The following ARHGAP35 variants were observed in gnomAD, a reference collection of about 807,000 sequenced individuals.
The protein encoded by ARHGAP35 is Rho GTPase activating protein 35, also known as rho GTPase-activating protein 35.
Under a neutral mutation model 111.1 loss-of-function variants are expected in ARHGAP35, and 15 were observed. That is an observed-to-expected ratio of 0.13 (90% CI 0.09 to 0.21). ARHGAP35 has a LOEUF of 0.21. Among genes scored for constraint, ARHGAP35 ranks in the 10% least tolerant of loss-of-function variants. The pLI is 1.00. For missense variants in ARHGAP35, 1,262 were observed against 1,873.0 expected (o/e 0.67, Z 6.02); for synonymous variants, 643 against 710.3 (o/e 0.91, Z 1.51).
At chr19:46,929,165 A>G (rs1476868616) in intron 2 of ARHGAP35, among the ~76,000 whole-genome samples, 1 of 152,208 alleles carries the variant, frequency 6.6e-6, no homozygotes, top group Non-Finnish European at 1.5e-5. Flanking sequence ...AGATTTTGTC[A>G]GCAAGAATAC....
At chr19:46,996,672 T>G (rs757663167) in intron 5 of ARHGAP35, among the ~76,000 whole-genome samples, 1 of 152,190 alleles carries the variant, frequency 6.6e-6, no homozygotes, top group Non-Finnish European at 1.5e-5. Context: ...GAGAGACCTG[T>G]GTCCTCCTGT....
At position 46,945,770 on chromosome 19, in the gene ARHGAP35, C is replaced by G. The variant is rs10406456; in HGVS notation, c.3826+8362C>G. Among the ~76,000 whole-genome samples, 3,027 of 152,282 alleles carry G rather than the reference C, an allele frequency of 0.02. 109 individuals carry two copies. The highest frequency in any genetic ancestry group is 0.068 in the African/African-American group (2,822 of 41,550). On this transcript the variant is annotated intron_variant, in intron 3 of 6. Transcript: ENST00000672722. The surrounding 1 kb of genome is among the most constrained non-coding windows in gnomAD (Gnocchi z 4.1). ...CTAGAAATAGCATTCTCTACGCATG[C>G]TTTCTTTGAATAATATGTGAGGCCA...
At chr19:46,871,080 C>G (rs1181656742) in intron 1 of ARHGAP35, among the ~76,000 whole-genome samples, 1 of 152,160 alleles carries the variant, frequency 6.6e-6, no homozygotes, top group East Asian at 1.9e-4. Flanking sequence ...TAACTTTACC[C>G]ATCTGGGCAG....
chr19:46,980,823 G>T (rs982573943), intron 3 of ARHGAP35, among the ~76,000 whole-genome samples: 4 of 152,228 alleles, frequency 2.6e-5, no homozygotes, highest in African/African-American at 9.6e-5. Context: ...TTGCCAACCA[G>T]CTTTCCACTT....
At chr19:46,963,932 A>G (rs996249995) in intron 3 of ARHGAP35, among the ~76,000 whole-genome samples, 5 of 151,782 alleles carry the variant, frequency 3.3e-5, no homozygotes, top group African/African-American at 1.2e-4. Flanking sequence ...CAGTGGCGCA[A>G]TCTCGGCTCA....
chr19:46,959,302 G>C (rs1215635081), intron 3 of ARHGAP35, among the ~76,000 whole-genome samples: 1 of 152,018 alleles, frequency 6.6e-6, no homozygotes, highest in African/African-American at 2.4e-5. Flanking sequence ...GTGCTCAAGT[G>C]ATTCGGCCTC....
chr19:46,863,964 G>A (rs1254293884), intron 1 of ARHGAP35, among the ~76,000 whole-genome samples: 1 of 152,234 alleles, frequency 6.6e-6, no homozygotes, highest in Non-Finnish European at 1.5e-5. Context: ...GAAAGAGAGA[G>A]TGCCAAATGT....
intron 3 of ARHGAP35, among the ~76,000 whole-genome samples, chr19:46,977,152 G>C: frequency 6.6e-6 from 1 of 152,214 alleles, no homozygotes; most frequent in East Asian, 1.9e-4. Flanking sequence ...TCTGCAGGGG[G>C]CGTGGCCCTG....
At chr19:46,933,081 T>C (rs989357648) in intron 2 of ARHGAP35, among the ~76,000 whole-genome samples, 1 of 152,094 alleles carries the variant, frequency 6.6e-6, no homozygotes, top group Non-Finnish European at 1.5e-5. Flanking sequence ...AGTGGATCTT[T>C]ATTACCTTTA....
At chr19:46,928,127 T>G (rs2056249129) in intron 2 of ARHGAP35, among the ~76,000 whole-genome samples, 1 of 152,184 alleles carries the variant, frequency 6.6e-6, no homozygotes, top group South Asian at 2.1e-4. Context: ...TGTCACTCGA[T>G]TCTCAGTTTA....
chr19:46,950,740 GCT>G (rs1050652906), intron 3 of ARHGAP35, among the ~76,000 whole-genome samples: 4 of 152,158 alleles, frequency 2.6e-5, no homozygotes, highest in Admixed American at 2.6e-4. Flanking sequence ...CCTCGCTGTG[GCT>G]CTCTCTGTGG....
At chr19:46,864,950 T>C (rs894817046) in intron 1 of ARHGAP35, among the ~76,000 whole-genome samples, 1 of 152,242 alleles carries the variant, frequency 6.6e-6, no homozygotes, top group Non-Finnish European at 1.5e-5. Flanking sequence ...TTTAATATCA[T>C]TGGCAGCATG....
intron 1 of ARHGAP35, among the ~76,000 whole-genome samples, chr19:46,906,515 G>A (rs773797776): frequency 1.3e-4 from 20 of 152,130 alleles, no homozygotes; most frequent in African/African-American, 1.9e-4. Flanking sequence ...GTGTAGAAGG[G>A]GGAGATTGTA....
intron 1 of ARHGAP35, among the ~76,000 whole-genome samples, chr19:46,876,126 G>C (rs151047666): frequency 6.6e-6 from 1 of 151,954 alleles, no homozygotes. Flanking sequence ...TACTCATAGG[G>C]TAACTGTGCT....
Position 46,921,840 on chromosome 19 carries a change from T to C in ARHGAP35, c.3165T>C (p.Asp1055=). ...TCCATTTTGAAATTACAAAGGGGGA[T>C]CTATCTTATTTAGACCAAGGCCATA... ...PPVHFEITKG[D]LSYLDQGHRD... The change falls in exon 2 of 7, where the codon GAT becomes GAC. Residue 1055 remains aspartate (D), a synonymous_variant. Transcript: ENST00000672722. The surrounding 1 kb of genome is among the most constrained non-coding windows in gnomAD (Gnocchi z 4.3). The C allele has an allele frequency of 1.2e-6, 2 of 1,613,888 alleles. No individual in the cohort carries two copies. Among genetic ancestry groups the C allele is most frequent in the Non-Finnish European group, 1.7e-6 (2 of 1,179,886 alleles).
intron 3 of ARHGAP35, among the ~76,000 whole-genome samples, chr19:46,959,460 A>G (rs567614665): frequency 7.2e-4 from 109 of 151,902 alleles, no homozygotes; most frequent in African/African-American, 2.6e-3. Flanking sequence ...GTGCAATGAC[A>G]GGATCTCTGC....
At chr19:46,872,812 C>T (rs1172195740) in intron 1 of ARHGAP35, among the ~76,000 whole-genome samples, 1 of 149,672 alleles carries the variant, frequency 6.7e-6, no homozygotes, top group Non-Finnish European at 1.5e-5. Context: ...ACCCGGGAGA[C>T]GGAGCTTGCA....
chr19:46,936,369 CA>C (rs530873511), intron 2 of ARHGAP35, among the ~76,000 whole-genome samples: 2 of 151,726 alleles, frequency 1.3e-5, no homozygotes, highest in Non-Finnish European at 2.9e-5. Context: ...GAAAAATAGA[CA>C]AAAAAAATAC....
At chr19:46,897,988 G>A (rs1033037512) in intron 1 of ARHGAP35, among the ~76,000 whole-genome samples, 3 of 152,110 alleles carry the variant, frequency 2.0e-5, no homozygotes, top group Middle Eastern at 3.2e-3. Flanking sequence ...AGGCAGATAC[G>A]TTACCTAAGA....
Sources: allele counts gnomAD v4.1 joint callset (sites outside exome capture counted in the v4.1 genomes callset), GRCh38; gene constraint gnomAD v4.1.1; non-coding constraint Gnocchi (gnomAD v3.1); transcripts MANE v1.5; gene names NCBI Gene and HGNC (gene_info 2026-07-23, HGNC 2026-07-21).